PCDHA1: variants seen among roughly 807,000 people sequenced by gnomAD.
PCDHA1 encodes protocadherin alpha-1.
A neutral mutation model predicts 61.3 loss-of-function variants in PCDHA1; 42 were observed. The ratio of observed to expected loss-of-function variants is 0.69; its 90% CI spans 0.54 to 0.89. The LOEUF (loss-of-function observed/expected upper bound fraction) is 0.89, where lower values mean the gene tolerates loss of function less well. PCDHA1 is among the 40% of genes least tolerant of loss of function. The probability of loss-of-function intolerance (pLI) is 0.00; values close to 1 mark genes in which losing one functional copy is unlikely to be tolerated. For synonymous variants in PCDHA1, 610 were observed against 553.8 expected (o/e 1.10, Z -1.43); for missense variants, 1,256 against 1,235.3 (o/e 1.02, Z -0.25).
chr5:140,906,822 T>C (rs2072968102), intron 1 of PCDHA1, among the ~76,000 whole-genome samples: 1 of 152,142 alleles, frequency 6.6e-6, no homozygotes, highest in African/African-American at 2.4e-5. Context: ...CACTGTGGAG[T>C]AGTAGACTGA....
intron 1 of PCDHA1, among the ~76,000 whole-genome samples, chr5:140,947,807 G>T (rs542859945): frequency 3.6e-4 from 55 of 151,694 alleles, no homozygotes; most frequent in Non-Finnish European, 7.1e-4. Context: ...AATTTGCAGA[G>T]ACTATTTCTT....
At chr5:140,872,614 T>G (rs1001550468) in intron 1 of PCDHA1, among the ~76,000 whole-genome samples, 1 of 152,320 alleles carries the variant, frequency 6.6e-6, no homozygotes, top group Admixed American at 6.5e-5. Flanking sequence ...TAATTTTTTT[T>G]GCCTGTTCTT....
At chr5:140,876,173 A>T (rs369965805) in intron 1 of PCDHA1, 66 of 1,613,862 alleles carry the variant, frequency 4.1e-5, no homozygotes, top group Middle Eastern at 1.6e-4. Context: ...ACCGTCCTGG[A>T]TGTGAATGAC....
At chr5:140,802,315 G>A (rs782357287) in intron 1 of PCDHA1, 1 of 1,614,248 alleles carries the variant, frequency 6.2e-7, no homozygotes, top group East Asian at 2.2e-5. Context: ...GCTCTGATCA[G>A]CGTGTCCGAC....
At chr5:140,801,046 T>C in intron 1 of PCDHA1, 1 of 1,437,038 alleles carries the variant, frequency 7.0e-7, no homozygotes, top group South Asian at 1.5e-5. Flanking sequence ...ACAAAAGAAA[T>C]AACAGCGTGC....
In PCDHA1 at chr5:140,967,246, G is replaced by T. The variant is rs569213693; in HGVS notation, c.2395-11703G>T. On this transcript the variant is annotated intron_variant, in intron 1 of 3. Coordinates refer to ENST00000504120, the MANE Select transcript of PCDHA1 (RefSeq NM_018900.4). ...ACTACCAGCTTCAGGTAAGCGAATCGGTGGCGCCTGGAGCGCGCTTTCACA... is the reference window on the plus strand; with the variant it reads ...ACTACCAGCTTCAGGTAAGCGAATCTGTGGCGCCTGGAGCGCGCTTTCACA... The T allele has an allele frequency of 9.6e-5, 155 of 1,613,594 alleles. 2 individuals carry two copies. In the South Asian group the frequency reaches 1.4e-3, roughly 15 times the overall value.
chr5:140,880,920 A>G (rs1189539222), intron 1 of PCDHA1, among the ~76,000 whole-genome samples: 1 of 152,228 alleles, frequency 6.6e-6, no homozygotes, highest in Non-Finnish European at 1.5e-5. Flanking sequence ...GAGAAATACT[A>G]TGTTAGTAAA....
chr5:140,833,327 C>T (rs1482387019), intron 1 of PCDHA1, among the ~76,000 whole-genome samples: 2 of 152,096 alleles, frequency 1.3e-5, no homozygotes, highest in Non-Finnish European at 2.9e-5. Flanking sequence ...CCATTGGGAA[C>T]ATTGGAGTGA....
intron 1 of PCDHA1, among the ~76,000 whole-genome samples, chr5:140,954,401 A>G (rs567522525): frequency 2.0e-4 from 31 of 152,300 alleles, no homozygotes; most frequent in Middle Eastern, 3.4e-3. Flanking sequence ...AACCCCACCA[A>G]CAGGGTAAAG....
chr5:140,882,174 C>T (rs868925922), intron 1 of PCDHA1: 1 of 1,514,752 alleles, frequency 6.6e-7, no homozygotes. Context: ...CGAATCCTTC[C>T]GCACTAGGAA....
At chr5:140,876,649 G>A (rs372867848) in intron 1 of PCDHA1, 6 of 1,614,222 alleles carry the variant, frequency 3.7e-6, no homozygotes, top group Non-Finnish European at 5.1e-6. Flanking sequence ...GACACCTCAT[G>A]TTCCCTTCAA....
At chr5:140,924,244 C>G (rs1375839311) in intron 1 of PCDHA1, among the ~76,000 whole-genome samples, 1 of 152,152 alleles carries the variant, frequency 6.6e-6, no homozygotes, top group Non-Finnish European at 1.5e-5. Context: ...TGTTTTGCAT[C>G]CTGGTGAGAT....
At chr5:140,885,577 A>G (rs1554182197) in intron 1 of PCDHA1, among the ~76,000 whole-genome samples, 1 of 152,172 alleles carries the variant, frequency 6.6e-6, no homozygotes, top group African/African-American at 2.4e-5. Context: ...TCAGATGTGG[A>G]ATTGATGCAT....
chr5:140,877,637 G>A (rs1554169943), intron 1 of PCDHA1: 1 of 1,613,520 alleles, frequency 6.2e-7, no homozygotes, highest in Non-Finnish European at 8.5e-7. Context: ...ACTGCGCTGC[G>A]TTGCTCAGCG....
intron 1 of PCDHA1, chr5:140,797,076 C>A: frequency 6.2e-7 from 1 of 1,613,920 alleles, no homozygotes; most frequent in Non-Finnish European, 8.5e-7. Context: ...TCATCGCCAT[C>A]TGCGCGGTAT....
intron 1 of PCDHA1, among the ~76,000 whole-genome samples, chr5:140,845,551 C>A (rs1311867646): frequency 6.7e-6 from 1 of 149,234 alleles, no homozygotes. Context: ...TATGGTGATG[C>A]TTTTAGCTAT....
chr5:140,876,738 G>C, intron 1 of PCDHA1: 2 of 1,614,264 alleles, frequency 1.2e-6, no homozygotes, highest in Non-Finnish European at 1.7e-6. Flanking sequence ...CGGCCTATGA[G>C]CTGGTGGTGA....
At chr5:140,857,326 G>A in intron 1 of PCDHA1, 4 of 1,598,700 alleles carry the variant, frequency 2.5e-6, no homozygotes, top group Non-Finnish European at 1.7e-6. Flanking sequence ...TGGTGACCGC[G>A]CGGGACGGGG....
At position 140,916,615 on chromosome 5, in the gene PCDHA1, T is replaced by C. The variant is rs191815089; in HGVS notation, c.2395-62334T>C. Among the ~76,000 whole-genome samples the C allele has an allele frequency of 2.6e-5, 4 of 152,270 alleles. No homozygotes were observed. In the East Asian group the frequency reaches 5.8e-4, roughly 22 times the overall value. On this transcript the variant is annotated intron_variant, in intron 1 of 3. Transcript: ENST00000504120. ...GGGCCTGGAATGCGGGCCTCATGAC[T>C]CTACTCAATGCCCTATCCTACTGTG...
Sources: gnomAD v4.1 joint callset for allele counts (sites outside exome capture counted in the v4.1 genomes callset) on GRCh38, gnomAD v4.1.1 for gene constraint, MANE v1.5 for transcripts, NCBI Gene and HGNC (gene_info 2026-07-23, HGNC 2026-07-21) for gene names.